The following RNGTT variants were observed in gnomAD, a reference collection of about 807,000 sequenced individuals.
The protein encoded by RNGTT is RNA guanylyltransferase and 5'-phosphatase.
A neutral mutation model predicts 79.3 loss-of-function variants in RNGTT; 33 were observed. That is an observed-to-expected ratio of 0.42 (90% CI 0.32 to 0.56). RNGTT has a LOEUF of 0.56. Ranked by LOEUF, RNGTT falls within the 20% of genes least tolerant of loss-of-function variation. The pLI, the probability that RNGTT is intolerant of heterozygous loss-of-function variation, is 0.17. For synonymous variants in RNGTT, 222 were observed against 235.9 expected, an observed-to-expected ratio of 0.94 and a Z score of 0.54; for missense variants, 497 against 739.1, an observed-to-expected ratio of 0.67 and a Z score of 3.80.
intron 6 of RNGTT, 93 bp downstream of exon 6, chr6:88,904,622 A>G (rs1280225778): frequency 1.4e-6 from 2 of 1,397,810 alleles, no homozygotes; most frequent in Admixed American, 2.3e-5. Flanking sequence ...AAACCTAGCT[A>G]AAGAAACATG....
intron 13 of RNGTT, among the ~76,000 whole-genome samples, chr6:88,712,937 T>C (rs759851865): frequency 1.2e-4 from 19 of 152,228 alleles, no homozygotes; most frequent in Non-Finnish European, 2.4e-4. Context: ...CCTGCAAATG[T>C]GCTTCCATAA....
At chr6:88,815,386 T>A (rs1297371856) in intron 11 of RNGTT, among the ~76,000 whole-genome samples, 1 of 152,194 alleles carries the variant, frequency 6.6e-6, no homozygotes, top group Non-Finnish European at 1.5e-5. Context: ...TTCATTATAA[T>A]AAAACTATAA....
chr6:88,893,014 C>A (rs1243492559), intron 6 of RNGTT, among the ~76,000 whole-genome samples: 1 of 151,846 alleles, frequency 6.6e-6, no homozygotes, highest in Non-Finnish European at 1.5e-5. Context: ...TTTCATAAGC[C>A]CAAGGATCAA....
chr6:88,714,198 T>C (rs1776420269), intron 13 of RNGTT: 1 of 152,222 alleles, frequency 6.6e-6, no homozygotes. Context: ...TCCATGAAAT[T>C]ATAACTTAAA....
chr6:88,691,161 C>T (rs1315407168), intron 13 of RNGTT, among the ~76,000 whole-genome samples: 2 of 152,130 alleles, frequency 1.3e-5, no homozygotes, highest in African/African-American at 4.8e-5. Flanking sequence ...TTCCCCCTTG[C>T]TGTTCTCATA....
At chr6:88,690,032 C>CA (rs1775424249) in intron 13 of RNGTT, among the ~76,000 whole-genome samples, 1 of 151,928 alleles carries the variant, frequency 6.6e-6, no homozygotes, top group South Asian at 2.1e-4. Flanking sequence ...AAGTTCTTGC[C>CA]AAAAAATGCA....
intron 8 of RNGTT, among the ~76,000 whole-genome samples, chr6:88,875,054 C>A (rs1322809838): frequency 6.6e-6 from 1 of 151,840 alleles, no homozygotes; most frequent in Non-Finnish European, 1.5e-5. Context: ...CTTGTATTGT[C>A]TTTGAGACCT....
At chr6:88,687,576 G>A (rs1215244650) in intron 13 of RNGTT, among the ~76,000 whole-genome samples, 2 of 152,164 alleles carry the variant, frequency 1.3e-5, no homozygotes, top group Non-Finnish European at 2.9e-5. Context: ...AATCCACACA[G>A]TGGAATAATA....
rs9444643 is a variant in RNGTT, at chr6:88,743,568, A to C, written c.1439+26206T>G. Among the ~76,000 whole-genome samples the C allele has an allele frequency of 9.7e-3, 1,484 of 152,292 alleles. 17 individuals carry two copies. Among genetic ancestry groups the C allele is most frequent in the African/African-American group, 0.033 (1,392 of 41,560 alleles). ...GCATCTCATATAAATGGAATCACACAGTACTTGTCTTTTTGTATCTGGCTT... is the reference window on the plus strand; with the variant it reads ...GCATCTCATATAAATGGAATCACACCGTACTTGTCTTTTTGTATCTGGCTT... On this transcript the variant is annotated intron_variant, in intron 13 of 15. Coordinates refer to ENST00000369485, the MANE Select transcript of RNGTT (RefSeq NM_003800.5).
At chr6:88,893,431 A>AAATTAACCT (rs1783119958) in intron 6 of RNGTT, among the ~76,000 whole-genome samples, 3 of 152,276 alleles carry the variant, frequency 2.0e-5, no homozygotes, top group Admixed American at 6.5e-5. Context: ...AGCAAAGGCC[A>AAATTAACCT]AATTAACCTA....
chr6:88,832,079 G>A (rs1441008719), intron 11 of RNGTT, among the ~76,000 whole-genome samples: 1 of 152,026 alleles, frequency 6.6e-6, no homozygotes, highest in Non-Finnish European at 1.5e-5. Context: ...CACAGAATTG[G>A]AAAAAACTAC....
intron 11 of RNGTT, among the ~76,000 whole-genome samples, chr6:88,827,660 A>G (rs899362672): frequency 2.6e-5 from 4 of 152,196 alleles, no homozygotes; most frequent in Admixed American, 2.6e-4. Flanking sequence ...TCTCACTGGC[A>G]GTACAGCAGT....
intron 12 of RNGTT, among the ~76,000 whole-genome samples, chr6:88,772,892 C>T (rs1582443100): frequency 1.3e-5 from 2 of 151,730 alleles, no homozygotes; most frequent in African/African-American, 4.8e-5. Flanking sequence ...CTAGTTCAAC[C>T]ATTGTGGAAG....
At chr6:88,724,159 T>C (rs1463925517) in intron 13 of RNGTT, among the ~76,000 whole-genome samples, 1 of 152,212 alleles carries the variant, frequency 6.6e-6, no homozygotes, top group African/African-American at 2.4e-5. Context: ...TAAATAAATT[T>C]AGTGTAGCCG....
At chr6:88,889,615 G>A (rs1165725991) in intron 8 of RNGTT, among the ~76,000 whole-genome samples, 2 of 152,028 alleles carry the variant, frequency 1.3e-5, no homozygotes, top group African/African-American at 4.8e-5. Flanking sequence ...TGACTTCTAT[G>A]TTAATATCTG....
intron 13 of RNGTT, among the ~76,000 whole-genome samples, chr6:88,760,446 G>A (rs1778175297): frequency 6.6e-6 from 1 of 152,110 alleles, no homozygotes; most frequent in South Asian, 2.1e-4. Flanking sequence ...GAAAGCCAAC[G>A]AAGCATTTGT....
chr6:88,959,080 C>G (rs1785529158), intron 1 of RNGTT, among the ~76,000 whole-genome samples: 1 of 152,088 alleles, frequency 6.6e-6, no homozygotes, highest in African/African-American at 2.4e-5. Flanking sequence ...GAGTTGGACC[C>G]CATCATTCTA....
intron 14 of RNGTT, among the ~76,000 whole-genome samples, chr6:88,672,966 T>C (rs1366948992): frequency 2.6e-5 from 4 of 152,258 alleles, no homozygotes; most frequent in Non-Finnish European, 4.4e-5. Context: ...CAGATACTTA[T>C]TGGCATGCTA....
At chr6:88,853,341 C>T (rs1159290606) in intron 9 of RNGTT, among the ~76,000 whole-genome samples, 1 of 151,926 alleles carries the variant, frequency 6.6e-6, no homozygotes, top group Non-Finnish European at 1.5e-5. Flanking sequence ...ACCTTCTCTA[C>T]TAAAAATCCA....
Sources: gnomAD v4.1 joint callset for allele counts (sites outside exome capture counted in the v4.1 genomes callset) on GRCh38, gnomAD v4.1.1 for gene constraint, MANE v1.5 for transcripts, NCBI Gene and HGNC (gene_info 2026-07-23, HGNC 2026-07-21) for gene names.